The following SEZ6L2 variants were observed in gnomAD, a reference collection of about 807,000 sequenced individuals.
SEZ6L2 encodes the protein seizure 6-like protein 2.
A neutral mutation model predicts 97.0 loss-of-function variants in SEZ6L2; 44 were observed. That is an observed-to-expected ratio of 0.45 (90% CI 0.36 to 0.58). The LOEUF is 0.58. Ranked by LOEUF, SEZ6L2 falls within the 20% of genes least tolerant of loss-of-function variation. SEZ6L2 has a pLI of 0.00. For synonymous variants in SEZ6L2, 543 were observed against 546.1 expected, an observed-to-expected ratio of 0.99 and a Z score of 0.08; for missense variants, 1,086 against 1,233.3, an observed-to-expected ratio of 0.88 and a Z score of 1.79.
At chr16:29,897,284 C>T (rs1372982679) in intron 2 of SEZ6L2, among the ~76,000 whole-genome samples, 163 bp from the exon 3 acceptor site, 1 of 150,660 alleles carries the variant, frequency 6.6e-6, no homozygotes, top group Non-Finnish European at 1.5e-5. Context: ...CAGCCCCTAC[C>T]TCCTCCCAAG....
chr16:29,887,467 ATTTTTTT>A (rs397855963), intron 7 of SEZ6L2, among the ~76,000 whole-genome samples, 175 bp downstream of exon 7: 1 of 130,490 alleles, frequency 7.7e-6, no homozygotes, highest in Non-Finnish European at 1.6e-5. Context: ...TGCCCGGCTA[ATTTTTTT>A]TTTTTTTTTT....
chr16:29,878,566 C>A, intron 9 of SEZ6L2, 141 bp from the exon 10 acceptor site: 1 of 587,148 alleles, frequency 1.7e-6, no homozygotes, highest in Non-Finnish European at 2.5e-6. Flanking sequence ...TTCTTTTATT[C>A]TTTTATTTTA....
At position 29,899,070 on chromosome 16, in the gene SEZ6L2, G is replaced by T; in HGVS notation, c.-51C>A. 7.7e-7 allele frequency: 1 copy of T among 1,301,382 alleles called. No individual in the cohort carries two copies. Among genetic ancestry groups the T allele is most frequent in the Middle Eastern group, 1.8e-4 (1 of 5,446 alleles). The allele number at this position is 1,301,382 out of a possible 1,614,324, so 80.6% of individuals were successfully genotyped here. ...CTGTGCCTCTCTAAGTAATCTGGCT[G>T]CCACCTTTCCTCCGTCTCCGTTTAT... On this transcript the variant is annotated 5_prime_UTR_variant, in exon 1 of 18. Coordinates refer to ENST00000617533, the MANE Select transcript of SEZ6L2 (RefSeq NM_001243332.2).
chr16:29,883,874 G>C (rs989988863), intron 8 of SEZ6L2, among the ~76,000 whole-genome samples: 4 of 151,898 alleles, frequency 2.6e-5, no homozygotes, highest in Non-Finnish European at 5.9e-5. Context: ...TGAGGTTGCA[G>C]TGAACCATGA....
chr16:29,899,222 C>T lies in SEZ6L2; in HGVS notation c.-203G>A, dbSNP rs551725833. The T allele has an allele frequency of 3.1e-5, 18 of 572,378 alleles. No individual in the cohort carries two copies. Among genetic ancestry groups the T allele is most frequent in the Non-Finnish European group, 5.2e-5 (17 of 326,486 alleles). 35.5% of individuals were successfully genotyped at this position (572,378 alleles called of 1,614,324 possible). On this transcript the variant is annotated 5_prime_UTR_variant, in exon 1 of 18. Coordinates refer to ENST00000617533, the MANE Select transcript of SEZ6L2 (RefSeq NM_001243332.2). ...CTAGGGGTCGCCTGGAGCCCACCCCCCTTTGCTCAGTCTCCTCTGTCCTCT... is the reference window on the plus strand; with the variant it reads ...CTAGGGGTCGCCTGGAGCCCACCCCTCTTTGCTCAGTCTCCTCTGTCCTCT...
At chr16:29,878,769 T>TA (rs1291014938) in intron 9 of SEZ6L2, among the ~76,000 whole-genome samples, 1 of 148,926 alleles carries the variant, frequency 6.7e-6, no homozygotes, top group Non-Finnish European at 1.5e-5. Context: ...TTTTCTTTTT[T>TA]TTTTTTTTTG....
At chr16:29,871,824 A>C in intron 17 of SEZ6L2, 96 bp from the exon 18 acceptor site, 1 of 1,101,454 alleles carries the variant, frequency 9.1e-7, no homozygotes, top group Non-Finnish European at 1.4e-6. Flanking sequence ...GTTTTAAAGT[A>C]ACATTGACCT....
Position 29,896,963 on chromosome 16 carries a change from T to A in SEZ6L2, c.370A>T (p.Thr124Ser). The A allele has an allele frequency of 6.3e-7, 1 of 1,592,958 alleles. No individual in the cohort carries two copies. The highest frequency in any genetic ancestry group is 1.1e-5 in the South Asian group (1 of 89,118). Residue 124 changes from threonine (T) to serine (S), a missense_variant, in exon 3 of 18, where the codon ACC becomes TCC. Coordinates refer to ENST00000617533, the MANE Select transcript of SEZ6L2 (RefSeq NM_001243332.2). ...GGGGCTGTGGTTCCTGGGGGCGGGG[T>A]CAGCAGTTCTGGCGCAGTGGGGCCT... ...GAGPTAPELL[T>S]PPPGTTAPPP... is the part of the protein sequence containing the mutation.
chr16:29,897,411 G>A (rs936362769), intron 2 of SEZ6L2, among the ~76,000 whole-genome samples: 30 of 151,212 alleles, frequency 2.0e-4, no homozygotes, highest in Non-Finnish European at 4.0e-4. Flanking sequence ...CTCAGATCAC[G>A]TTCTCTCTCT....
rs535497162 is a variant in SEZ6L2 at position 29,898,819 on chromosome 16, C to T, written c.79+122G>A. On this transcript the variant is annotated intron_variant, in intron 1 of 17. Transcript: ENST00000617533. ...TGAAAGCTCTGGCTTGCCCCTTCCC[C>T]ATCAGCTGTGCCTCTCCCCTCCCCC... 97 of 739,026 alleles carry T rather than the reference C, an allele frequency of 1.3e-4. 1 individual carries two copies. In the African/African-American group the frequency reaches 1.4e-3, roughly 11 times the overall value. 45.8% of individuals were successfully genotyped at this position (739,026 alleles called of 1,614,324 possible).
chr16:29,897,741 T>C (rs1251693797), intron 2 of SEZ6L2, 112 bp downstream of exon 2: 2 of 1,289,874 alleles, frequency 1.6e-6, no homozygotes, highest in Admixed American at 5.1e-5. Context: ...ATGCAGGCTC[T>C]TTCCTCTGCA....
intron 5 of SEZ6L2, among the ~76,000 whole-genome samples, chr16:29,893,796 G>A (rs996309507): frequency 1.3e-5 from 2 of 152,054 alleles, no homozygotes; most frequent in Admixed American, 6.6e-5. Flanking sequence ...CCCTTCACCC[G>A]CTTCTGTGCT....
chr16:29,893,464 T>C (rs910721161), intron 5 of SEZ6L2, among the ~76,000 whole-genome samples: 2 of 151,956 alleles, frequency 1.3e-5, no homozygotes, highest in Non-Finnish European at 2.9e-5. Context: ...CTGGCCAACA[T>C]GGTGAAACCC....
intron 3 of SEZ6L2, 152 bp downstream of exon 3, chr16:29,896,670 A>G: frequency 1.5e-6 from 1 of 669,754 alleles, no homozygotes; most frequent in East Asian, 2.7e-5. Context: ...TGCCTGGTAC[A>G]TAGTAAGGGT....
At chr16:29,891,338 A>G (rs1323584447) in intron 5 of SEZ6L2, among the ~76,000 whole-genome samples, 5 of 151,542 alleles carry the variant, frequency 3.3e-5, no homozygotes, top group African/African-American at 1.2e-4. Flanking sequence ...TGCTGGGATT[A>G]CAGGCGTGAG....
intron 8 of SEZ6L2, among the ~76,000 whole-genome samples, chr16:29,882,883 A>G (rs1218159175): frequency 6.6e-6 from 1 of 152,168 alleles, no homozygotes; most frequent in African/African-American, 2.4e-5. Flanking sequence ...GGCGTTAGCC[A>G]TTGTGCCTGG....
rs1179111426 is a variant in SEZ6L2 at position 29,899,188 on chromosome 16, A to C, written c.-169T>G. 2 of 588,168 alleles carry C rather than the reference A, an allele frequency of 3.4e-6. No individual in the cohort carries two copies. Among genetic ancestry groups the C allele is most frequent in the Non-Finnish European group, 5.8e-6 (2 of 342,106 alleles). 36.4% of individuals were successfully genotyped at this position (588,168 alleles called of 1,614,324 possible). ...TCTCTGCCCCTTGGGATGGAGGGGC[A>C]GAATTGGGCTAGGGGTCGCCTGGAG... On this transcript the variant is annotated 5_prime_UTR_variant, in exon 1 of 18. Coordinates refer to ENST00000617533, the MANE Select transcript of SEZ6L2 (RefSeq NM_001243332.2).
chr16:29,871,735 A>G lies in SEZ6L2; in HGVS notation c.2743-7T>C. 6.2e-7 allele frequency: 1 copy of G among 1,607,870 alleles called. No individual in the cohort carries two copies. The highest frequency in any genetic ancestry group is 8.5e-7 in the Non-Finnish European group (1 of 1,177,072). On this transcript the variant is annotated splice_polypyrimidine_tract_variant and splice_region_variant and intron_variant, in intron 17 of 17. Transcript: ENST00000617533. ...CTTCATACTCCCGCGTATCCTGAAG[A>G]CAGAGAGATCAGGTCAGTTGTTGGA...
chr16:29,871,541 G>T lies in SEZ6L2; in HGVS notation c.*158C>A. On this transcript the variant is annotated 3_prime_UTR_variant, in exon 18 of 18. Transcript: ENST00000617533. ...CAGGATGCTGGTTTATTTACTGTAG[G>T]ATCTCCAGGGCCATCAAAGCCCCCT... is the stretch of plus-strand genomic sequence containing the variant. 1.4e-6 allele frequency: 1 copy of T among 740,520 alleles called. No homozygotes were observed. Among genetic ancestry groups the T allele is most frequent in the East Asian group, 2.7e-5 (1 of 37,088 alleles). 45.9% of individuals were successfully genotyped at this position (740,520 alleles called of 1,614,324 possible).
Sources: gnomAD v4.1 joint callset for allele counts (sites outside exome capture counted in the v4.1 genomes callset) on GRCh38, gnomAD v4.1.1 for gene constraint, MANE v1.5 for transcripts, NCBI Gene and HGNC (gene_info 2026-07-23, HGNC 2026-07-21) for gene names.